Variants in CAMK4 observed in about 807,000 individuals in gnomAD.
The protein encoded by CAMK4 is calcium/calmodulin-dependent protein kinase type IV.
CAMK4 carries 22 observed loss-of-function variants against 44.9 expected under a neutral mutation model. The ratio of observed to expected loss-of-function variants is 0.49; its 90% CI spans 0.35 to 0.70. The LOEUF (loss-of-function observed/expected upper bound fraction) is 0.70, where lower values mean the gene tolerates loss of function less well. Ranked by LOEUF, CAMK4 falls within the 30% of genes least tolerant of loss-of-function variation. The pLI is 0.01. For synonymous variants in CAMK4, 218 were observed against 215.4 expected, an observed-to-expected ratio of 1.01 and a Z score of -0.11; for missense variants, 498 against 586.8, an observed-to-expected ratio of 0.85 and a Z score of 1.56.
intron 1 of CAMK4, among the ~76,000 whole-genome samples, chr5:111,316,488 C>G (rs1239817498): frequency 6.6e-6 from 1 of 152,242 alleles, no homozygotes; most frequent in Non-Finnish European, 1.5e-5. Context: ...TCTTTTAACT[C>G]TGAGCTTCTG....
intron 1 of CAMK4, among the ~76,000 whole-genome samples, chr5:111,312,166 T>C (rs1285034650): frequency 6.6e-6 from 1 of 152,184 alleles, no homozygotes; most frequent in Non-Finnish European, 1.5e-5. Context: ...GGCCAAATGC[T>C]TTCTTGCAGC....
In CAMK4 at chr5:111,224,813, C is replaced by T. The variant is rs1444163602; in HGVS notation, c.161+169C>T. Among the ~76,000 whole-genome samples the T allele has an allele frequency of 6.6e-5, 10 of 152,066 alleles. No individual in the cohort carries two copies. Among genetic ancestry groups the T allele is most frequent in the Admixed American group, 5.2e-4 (8 of 15,276 alleles). On this transcript the variant is annotated intron_variant, in intron 1 of 10. Transcript: ENST00000282356. This position sits in a 1 kb window ranked among gnomAD's most constrained non-coding sequence, Gnocchi z 5.7. ...CCTTCATTCAGGTGCGGCTCGAGTC[C>T]TTCCCACCCCACCAGAGCGCCTAGG...
chr5:111,372,330 T>G (rs1413190373), intron 2 of CAMK4, among the ~76,000 whole-genome samples: 1 of 152,172 alleles, frequency 6.6e-6, no homozygotes, highest in Non-Finnish European at 1.5e-5. Flanking sequence ...AGAGCGCTTA[T>G]GACCCATTCT....
At chr5:111,240,800 G>C (rs1218932179) in intron 1 of CAMK4, among the ~76,000 whole-genome samples, 1 of 152,120 alleles carries the variant, frequency 6.6e-6, no homozygotes. Context: ...GAAATGTTTT[G>C]GCTATAGGGC....
At chr5:111,257,311 A>C (rs532091690) in intron 1 of CAMK4, among the ~76,000 whole-genome samples, 7 of 152,346 alleles carry the variant, frequency 4.6e-5, no homozygotes, top group African/African-American at 1.7e-4. Flanking sequence ...ACAAGAAAAA[A>C]ACAACCCCAT....
chr5:111,399,051 A>G (rs1752126098), intron 5 of CAMK4, among the ~76,000 whole-genome samples: 1 of 152,068 alleles, frequency 6.6e-6, no homozygotes, highest in African/African-American at 2.4e-5. Flanking sequence ...TATCATTTCC[A>G]TGCTTATAGC....
rs534897605 is a variant in CAMK4 at position 111,387,840 on chromosome 5, A to G, written c.387-6870A>G. 1.3e-4 allele frequency among the ~76,000 whole-genome samples: 20 copies of G among 152,328 alleles called. No individual in the cohort carries two copies. The East Asian group carries it at 3.5e-3, about 26-fold the overall frequency. Reference sequence around the variant, plus strand: ...CAGAAGGTTCTGGACAAACACATCTACTGATGTCATACAACTGAAATTAAG... The same window carrying G: ...CAGAAGGTTCTGGACAAACACATCTGCTGATGTCATACAACTGAAATTAAG... On this transcript the variant is annotated intron_variant, in intron 4 of 10. Transcript: ENST00000282356.
chr5:111,443,275 TATATACACACACACACACACAC>T (rs1246277118), intron 5 of CAMK4, among the ~76,000 whole-genome samples: 1 of 47,152 alleles, frequency 2.1e-5, no homozygotes, highest in Non-Finnish European at 3.7e-5. Context: ...TATATATATA[TATATACACACACACACACACAC>T]ACACACACAC....
At chr5:111,361,090 G>T (rs1750574052) in intron 2 of CAMK4, among the ~76,000 whole-genome samples, 2 of 152,046 alleles carry the variant, frequency 1.3e-5, no homozygotes, top group Non-Finnish European at 2.9e-5. Flanking sequence ...AAAAAGGTCT[G>T]AATTGTCCTT....
chr5:111,333,093 C>A (rs1749241311), intron 1 of CAMK4, among the ~76,000 whole-genome samples: 1 of 151,226 alleles, frequency 6.6e-6, no homozygotes, highest in East Asian at 2.0e-4. Context: ...TATATAAAAA[C>A]AATGGTATAT....
At chr5:111,418,512 T>C (rs1752896487) in intron 5 of CAMK4, among the ~76,000 whole-genome samples, 1 of 152,098 alleles carries the variant, frequency 6.6e-6, no homozygotes, top group Non-Finnish European at 1.5e-5. Flanking sequence ...TACATATGCA[T>C]ACATGTGCCA....
chr5:111,430,583 G>T (rs748807049), intron 5 of CAMK4, among the ~76,000 whole-genome samples: 1 of 152,028 alleles, frequency 6.6e-6, no homozygotes, highest in South Asian at 2.1e-4. Flanking sequence ...AAAACCATTC[G>T]AACTGATAAA....
At chr5:111,246,175 A>G (rs1318686082) in intron 1 of CAMK4, among the ~76,000 whole-genome samples, 1 of 152,232 alleles carries the variant, frequency 6.6e-6, no homozygotes, top group East Asian at 1.9e-4. Context: ...AGGTTTGTTC[A>G]CATAAATGTA....
chr5:111,427,559 G>A (rs78051497), intron 5 of CAMK4, among the ~76,000 whole-genome samples: 6 of 152,324 alleles, frequency 3.9e-5, no homozygotes, highest in South Asian at 2.1e-4. Context: ...TAACATTCAC[G>A]ACAAGCTGAC....
At chr5:111,358,679 C>T (rs1175450031) in intron 2 of CAMK4, among the ~76,000 whole-genome samples, 1 of 151,724 alleles carries the variant, frequency 6.6e-6, no homozygotes, top group Admixed American at 6.6e-5. Context: ...GGTACTAAGC[C>T]TAGTACTCAA....
At chr5:111,437,311 A>G (rs1753679897) in intron 5 of CAMK4, among the ~76,000 whole-genome samples, 1 of 152,244 alleles carries the variant, frequency 6.6e-6, no homozygotes, top group Non-Finnish European at 1.5e-5. Context: ...AAAGGTCTAG[A>G]TTACTATCAC....
intron 1 of CAMK4, among the ~76,000 whole-genome samples, chr5:111,261,498 G>A (rs564740890): frequency 2.0e-5 from 3 of 151,522 alleles, no homozygotes; most frequent in African/African-American, 7.3e-5. Context: ...AACAACCATA[G>A]CAATAATTAT....
At chr5:111,249,842 T>G (rs1749413877) in intron 1 of CAMK4, among the ~76,000 whole-genome samples, 1 of 152,078 alleles carries the variant, frequency 6.6e-6, no homozygotes, top group African/African-American at 2.4e-5. Context: ...CATAAAAACA[T>G]ATTTAACATA....
Position 111,459,316 on chromosome 5 carries a change from A to G in CAMK4, c.625+10113A>G, listed in dbSNP as rs533774493. Among the ~76,000 whole-genome samples the G allele has an allele frequency of 2.6e-5, 4 of 152,320 alleles. No homozygotes were observed. The East Asian group carries it at 7.7e-4, about 29-fold the overall frequency. ...GGCACAGATTTCTGGCTCAATATAC[A>G]AGACAACATTCTAACAACTAAAGCT... On this transcript the variant is annotated intron_variant, in intron 7 of 10. Coordinates refer to ENST00000282356, the MANE Select transcript of CAMK4 (RefSeq NM_001744.6).
Sources: allele counts gnomAD v4.1 joint callset (sites outside exome capture counted in the v4.1 genomes callset), GRCh38; gene constraint gnomAD v4.1.1; non-coding constraint Gnocchi (gnomAD v3.1); transcripts MANE v1.5; gene names NCBI Gene and HGNC (gene_info 2026-07-23, HGNC 2026-07-21).